The following MARCHF8 variants were observed in gnomAD, a reference collection of about 807,000 sequenced individuals.
MARCHF8 encodes the protein E3 ubiquitin-protein ligase MARCHF8.
In MARCHF8, 40 loss-of-function variants were observed where a neutral mutation model predicts 51.6. The observed-to-expected ratio is 0.77, with a 90% CI of 0.60 to 1.01. The LOEUF (loss-of-function observed/expected upper bound fraction) is 1.01. Among genes scored for constraint, MARCHF8 ranks in the 50% least tolerant of loss-of-function variants. The probability of loss-of-function intolerance (pLI) is 0.00; values close to 1 mark genes in which losing one functional copy is unlikely to be tolerated. For synonymous variants in MARCHF8, 263 were observed against 280.3 expected (o/e 0.94, Z 0.62); for missense variants, 685 against 708.6 (o/e 0.97, Z 0.38).
chr10:45,501,882 A>G (rs964222579), intron 2 of MARCHF8, among the ~76,000 whole-genome samples: 5 of 152,170 alleles, frequency 3.3e-5, no homozygotes, highest in Admixed American at 2.6e-4. Context: ...GCACATGAGA[A>G]GATGTTCAAC....
chr10:45,469,319 T>C (rs1843080464), intron 3 of MARCHF8, among the ~76,000 whole-genome samples: 1 of 152,014 alleles, frequency 6.6e-6, no homozygotes, highest in African/African-American at 2.4e-5. Flanking sequence ...CAAACAGAAA[T>C]TCATTCTTAA....
At chr10:45,560,860 T>C (rs371692109) in intron 1 of MARCHF8, among the ~76,000 whole-genome samples, 14 of 152,212 alleles carry the variant, frequency 9.2e-5, no homozygotes, top group African/African-American at 3.4e-4. Flanking sequence ...ATAAACACTT[T>C]ATTCTTAAAG....
chr10:45,581,620 A>T (rs1020514438), intron 1 of MARCHF8, among the ~76,000 whole-genome samples: 1 of 152,242 alleles, frequency 6.6e-6, no homozygotes, highest in African/African-American at 2.4e-5. Context: ...AACTGTAAGA[A>T]GATAATACTA....
At chr10:45,478,661 G>A (rs1448116956) in intron 3 of MARCHF8, among the ~76,000 whole-genome samples, 1 of 149,092 alleles carries the variant, frequency 6.7e-6, no homozygotes, top group African/African-American at 2.5e-5. Context: ...AAAGATAGAA[G>A]ACCTAAATAA....
At chr10:45,548,624 G>C (rs948789702) in intron 1 of MARCHF8, among the ~76,000 whole-genome samples, 10 of 152,178 alleles carry the variant, frequency 6.6e-5, no homozygotes, top group Non-Finnish European at 1.3e-4. Flanking sequence ...AGATTTGTTA[G>C]GGTTCTTTTA....
At chr10:45,530,314 T>G (rs529328447) in intron 2 of MARCHF8, among the ~76,000 whole-genome samples, 1 of 152,250 alleles carries the variant, frequency 6.6e-6, no homozygotes, top group South Asian at 2.1e-4. Flanking sequence ...GATGAGAAAT[T>G]ACCTCATGGG....
rs574405720 is a variant in MARCHF8 at position 45,464,321 on chromosome 10, T to G, written c.160A>C (p.Ser54Arg). Reference protein sequence around the residue: ...SHSSNISKAGSPPSASAPAPV... With the variant: ...SHSSNISKAGRPPSASAPAPV... ...GCCGGAGCTGATGCTGACGGAGGAC[T>G]CCCAGCCTGCAATGACAGACCTGTG... Residue 54 changes from serine (S) to arginine (R), a missense_variant, in exon 4 of 8, where the codon AGT (serine) becomes CGT (arginine). Coordinates refer to ENST00000453424, the MANE Select transcript of MARCHF8 (RefSeq NM_001282866.2). 6 of 1,614,040 alleles carry G rather than the reference T, an allele frequency of 3.7e-6. No individual in the cohort carries two copies. In the Admixed American group the frequency reaches 6.7e-5, roughly 18 times the overall value.
At chr10:45,498,081 A>G (rs2043207387) in intron 2 of MARCHF8, among the ~76,000 whole-genome samples, 1 of 152,240 alleles carries the variant, frequency 6.6e-6, no homozygotes, top group Non-Finnish European at 1.5e-5. Context: ...CCTAAATTTT[A>G]ACAGCAATTC....
Position 45,526,000 on chromosome 10 carries a change from G to A in MARCHF8, c.102+7110C>T, listed in dbSNP as rs543114216. Among the ~76,000 whole-genome samples the A allele has an allele frequency of 7.2e-5, 11 of 152,200 alleles. No individual in the cohort carries two copies. The South Asian group carries it at 2.1e-3, about 29-fold the overall frequency. ...AAAAAGGACATTAGTTAAAAAGTAG[G>A]GAAATCTGAATAAAGCATGGACTTT... On this transcript the variant is annotated intron_variant, in intron 2 of 7. Coordinates refer to ENST00000453424, the MANE Select transcript of MARCHF8 (RefSeq NM_001282866.2).
At chr10:45,518,438 A>G (rs1022642493) in intron 2 of MARCHF8, among the ~76,000 whole-genome samples, 1 of 152,174 alleles carries the variant, frequency 6.6e-6, no homozygotes, top group African/African-American at 2.4e-5. Context: ...TATGTCCTTG[A>G]GGCAGCAGGA....
At chr10:45,584,429 A>G (rs911174493) in intron 1 of MARCHF8, among the ~76,000 whole-genome samples, 2 of 152,116 alleles carry the variant, frequency 1.3e-5, no homozygotes, top group African/African-American at 2.4e-5. Context: ...CCCACAGATT[A>G]TGGACCCACA....
intron 2 of MARCHF8, among the ~76,000 whole-genome samples, chr10:45,508,606 T>C (rs1253062774): frequency 1.3e-5 from 2 of 152,186 alleles, no homozygotes; most frequent in Non-Finnish European, 2.9e-5. Context: ...TAATTTACTA[T>C]GGAGATGGAG....
At chr10:45,516,909 C>G (rs943682582) in intron 2 of MARCHF8, among the ~76,000 whole-genome samples, 1 of 152,244 alleles carries the variant, frequency 6.6e-6, no homozygotes, top group African/African-American at 2.4e-5. Context: ...CACTCCCAGA[C>G]AGCTCTCCAG....
intron 2 of MARCHF8, among the ~76,000 whole-genome samples, chr10:45,519,526 T>G (rs1057361732): frequency 6.6e-6 from 1 of 152,228 alleles, no homozygotes; most frequent in African/African-American, 2.4e-5. Flanking sequence ...CTATTACACC[T>G]ACTCAATTCT....
rs1178536464 is a variant in MARCHF8, at chr10:45,457,201, G to A, written c.*1038C>T. The A allele has an allele frequency of 3.9e-5, 6 of 152,228 alleles. No individual in the cohort carries two copies. The highest frequency in any genetic ancestry group is 1.4e-4 in the African/African-American group (6 of 41,450). The allele number at this position is 152,228 out of a possible 1,614,324, so 9.4% of individuals were successfully genotyped here. ...CAATGTGAAGCCAACACCAACTGGA[G>A]AGATTTAACTATAAAGGAATATTTT... is the stretch of plus-strand genomic sequence containing the variant. On this transcript the variant is annotated 3_prime_UTR_variant, in exon 8 of 8. Transcript: ENST00000453424.
intron 2 of MARCHF8, among the ~76,000 whole-genome samples, chr10:45,491,202 A>C (rs2043074330): frequency 6.6e-6 from 1 of 152,182 alleles, no homozygotes; most frequent in Non-Finnish European, 1.5e-5. Context: ...CTGTTTCTTC[A>C]TCTTAAGGCA....
chr10:45,544,353 G>A (rs1435648666), intron 1 of MARCHF8, among the ~76,000 whole-genome samples: 3 of 152,136 alleles, frequency 2.0e-5, no homozygotes, highest in African/African-American at 4.8e-5. Context: ...CTATGACCCA[G>A]GAACTGCAGT....
chr10:45,587,020 A>C (rs1418483947), intron 1 of MARCHF8, among the ~76,000 whole-genome samples: 1 of 151,910 alleles, frequency 6.6e-6, no homozygotes, highest in Non-Finnish European at 1.5e-5. Context: ...TATAAGACTA[A>C]ATGCTTTCTC....
chr10:45,578,182 A>G (rs1167081292), intron 1 of MARCHF8, among the ~76,000 whole-genome samples: 1 of 151,986 alleles, frequency 6.6e-6, no homozygotes, highest in Non-Finnish European at 1.5e-5. Flanking sequence ...TCCAAATACC[A>G]TTTTTTCCTC....
Sources: gnomAD v4.1 joint callset for allele counts (sites outside exome capture counted in the v4.1 genomes callset) on GRCh38, gnomAD v4.1.1 for gene constraint, MANE v1.5 for transcripts, NCBI Gene and HGNC (gene_info 2026-07-23, HGNC 2026-07-21) for gene names.